The following ST3GAL2 variants were observed in gnomAD, a reference collection of about 807,000 sequenced individuals.
ST3GAL2 encodes CMP-N-acetylneuraminate-beta-galactosamide-alpha-2,3-sialyltransferase 2.
Under a neutral mutation model 37.5 loss-of-function variants are expected in ST3GAL2, and 16 were observed. The observed-to-expected ratio is 0.43, with a 90% confidence interval of 0.29 to 0.65. The LOEUF is 0.65. ST3GAL2 is among the 30% of genes least tolerant of loss of function. The probability of loss-of-function intolerance (pLI) is 0.17; values close to 1 mark genes in which losing one functional copy is unlikely to be tolerated. For missense variants in ST3GAL2, 383 were observed against 487.8 expected (o/e 0.79, Z 2.02); for synonymous variants, 238 against 202.9 (o/e 1.17, Z -1.47).
chr16:70,394,028 G>T (rs1369905715), intron 3 of ST3GAL2, among the ~76,000 whole-genome samples: 1 of 152,134 alleles, frequency 6.6e-6, no homozygotes, highest in African/African-American at 2.4e-5. Flanking sequence ...CCAAGTCAAG[G>T]GGGGATGTCA....
rs74026028 is a variant in ST3GAL2 at position 70,420,424 on chromosome 16, G to A, written c.-1004+18525C>T. ...CTCCGCCACCACAGCCAAGAGCCCT[G>A]GGTAGAGAAGAGGGCAGAACAGAGA... On this transcript the variant is annotated intron_variant, in intron 1 of 6. Coordinates refer to ENST00000342907, the MANE Select transcript of ST3GAL2 (RefSeq NM_006927.4). Among the ~76,000 whole-genome samples, 980 of 152,272 alleles carry A rather than the reference G, an allele frequency of 6.4e-3. 12 individuals carry two copies. The highest frequency in any genetic ancestry group is 0.022 in the African/African-American group (916 of 41,560).
At chr16:70,381,979 C>T (rs1184915884) in intron 6 of ST3GAL2, 117 bp from the exon 7 acceptor site, 7 of 1,369,238 alleles carry the variant, frequency 5.1e-6, no homozygotes, top group African/African-American at 1.4e-5. Context: ...TGCAGGAGCC[C>T]CCAGGCCTGG....
intron 4 of ST3GAL2, among the ~76,000 whole-genome samples, chr16:70,383,617 G>C (rs539820807): frequency 1.3e-5 from 2 of 151,216 alleles, no homozygotes; most frequent in African/African-American, 4.9e-5. Context: ...GGAAGGAAGG[G>C]AAAGGAGAAA....
chr16:70,385,310 C>A (rs531637976), intron 4 of ST3GAL2, among the ~76,000 whole-genome samples: 1 of 151,930 alleles, frequency 6.6e-6, no homozygotes, highest in Non-Finnish European at 1.5e-5. Context: ...AACAAACAAA[C>A]AAACAAACAA....
chr16:70,388,526 A>T lies in ST3GAL2; in HGVS notation c.554T>A (p.Val185Glu), dbSNP rs755432986. The T allele has an allele frequency of 6.2e-7, 1 of 1,602,118 alleles. No homozygotes were observed. Among genetic ancestry groups the T allele is most frequent in the Non-Finnish European group, 8.5e-7 (1 of 1,172,682 alleles). Residue 185 changes from valine to glutamate, a missense_variant, in exon 4 of 7, where the codon GTG becomes GAG. This residue lies in a region of ST3GAL2 where 160 missense variants were observed against 248.6 expected (regional missense o/e 0.64). Transcript: ENST00000342907. ...FIMRMNQAPT[V>E]GFEQDVGSRT... ...GCTGCCAACATCCTGCTCAAAGCCCACGGTTGGCGCCTGATTCATCCTGCA... is the reference window on the plus strand; with the variant it reads ...GCTGCCAACATCCTGCTCAAAGCCCTCGGTTGGCGCCTGATTCATCCTGCA...
intron 1 of ST3GAL2, among the ~76,000 whole-genome samples, chr16:70,429,660 A>C (rs1265516717): frequency 1.2e-5 from 1 of 81,534 alleles, no homozygotes; most frequent in East Asian, 4.1e-4. Flanking sequence ...TTTTTTTTTG[A>C]GACAGAGTTT....
intron 2 of ST3GAL2, among the ~76,000 whole-genome samples, chr16:70,395,995 G>C (rs1011019002): frequency 2.1e-5 from 3 of 145,958 alleles, no homozygotes; most frequent in Non-Finnish European, 3.0e-5. Context: ...TTTTGAGATA[G>C]AGTTTCACTC....
chr16:70,398,270 G>A lies in ST3GAL2; in HGVS notation c.261C>T (p.Ser87=), dbSNP rs779120691. 19 of 1,613,398 alleles carry A rather than the reference G, an allele frequency of 1.2e-5. No homozygotes were observed. Among genetic ancestry groups the A allele is most frequent in the Non-Finnish European group, 1.6e-5 (19 of 1,180,044 alleles). ...GDAGASDWFD[S]HFDGNISPVW... is the part of the protein sequence containing the mutation. ...CGGGGGAAATGTTACCGTCAAAGTG[G>A]CTGTCAAACCAGTCGGAGGCACCGG... Residue 87 remains serine, a synonymous_variant, in exon 2 of 7, where the codon AGC becomes AGT. Coordinates refer to ENST00000342907, the MANE Select transcript of ST3GAL2 (RefSeq NM_006927.4).
intron 1 of ST3GAL2, among the ~76,000 whole-genome samples, chr16:70,432,325 T>A (rs1041499498): frequency 1.6e-4 from 24 of 152,120 alleles, no homozygotes; most frequent in African/African-American, 5.3e-4. Context: ...GCTCTAAGAA[T>A]CTGCAGGGAT....
At chr16:70,426,711 T>C (rs998843799) in intron 1 of ST3GAL2, among the ~76,000 whole-genome samples, 1 of 149,254 alleles carries the variant, frequency 6.7e-6, no homozygotes, top group Non-Finnish European at 1.5e-5. Flanking sequence ...GGTTTCTCCA[T>C]GTTGGTCAGG....
At chr16:70,386,442 T>C (rs1021660208) in intron 4 of ST3GAL2, among the ~76,000 whole-genome samples, 2 of 152,038 alleles carry the variant, frequency 1.3e-5, no homozygotes, top group African/African-American at 4.8e-5. Context: ...TCCGCCCGCC[T>C]GGTCTCTCAA....
At chr16:70,393,992 G>C (rs1319399453) in intron 3 of ST3GAL2, among the ~76,000 whole-genome samples, 1 of 152,142 alleles carries the variant, frequency 6.6e-6, no homozygotes, top group African/African-American at 2.4e-5. Flanking sequence ...CCAAGGAGTC[G>C]GGTAGGAGGC....
At chr16:70,406,833 G>C (rs2047595835) in intron 1 of ST3GAL2, among the ~76,000 whole-genome samples, 1 of 152,064 alleles carries the variant, frequency 6.6e-6, no homozygotes, top group Middle Eastern at 3.2e-3. Flanking sequence ...ATGGGATTCA[G>C]CTGAGAGATG....
At chr16:70,425,090 T>C (rs2047741086) in intron 1 of ST3GAL2, among the ~76,000 whole-genome samples, 1 of 152,126 alleles carries the variant, frequency 6.6e-6, no homozygotes, top group African/African-American at 2.4e-5. Context: ...TGCACGCCTG[T>C]AGTCCCCACT....
At chr16:70,390,264 G>C (rs1025742820) in intron 3 of ST3GAL2, among the ~76,000 whole-genome samples, 8 of 152,148 alleles carry the variant, frequency 5.3e-5, no homozygotes, top group Admixed American at 1.3e-4. Context: ...TAGAGATAGG[G>C]GTCTCACTGC....
intron 1 of ST3GAL2, among the ~76,000 whole-genome samples, chr16:70,406,686 C>T (rs1316813238): frequency 6.6e-6 from 1 of 151,874 alleles, no homozygotes; most frequent in East Asian, 1.9e-4. Context: ...GAGGCTGAGG[C>T]AGGAGACTCG....
At chr16:70,410,240 C>CATTTTTTTTTTTTTTT (rs2047627628) in intron 1 of ST3GAL2, among the ~76,000 whole-genome samples, 1 of 62,664 alleles carries the variant, frequency 1.6e-5, no homozygotes, top group Non-Finnish European at 2.9e-5. Flanking sequence ...CCACCCTCAC[C>CATTTTTTTTTTTTTTT]TTTTTTTTTT....
chr16:70,408,354 G>A (rs961537288), intron 1 of ST3GAL2, among the ~76,000 whole-genome samples: 2 of 151,884 alleles, frequency 1.3e-5, no homozygotes, highest in African/African-American at 2.4e-5. Flanking sequence ...AACACTCCCT[G>A]CCTCCTGGGT....
chr16:70,417,945 C>G (rs2047687045), intron 1 of ST3GAL2, among the ~76,000 whole-genome samples: 1 of 152,246 alleles, frequency 6.6e-6, no homozygotes, highest in Admixed American at 6.5e-5. Flanking sequence ...GCTCTGATTT[C>G]TTTTAAAGAT....
Sources: allele counts gnomAD v4.1 joint callset (sites outside exome capture counted in the v4.1 genomes callset), GRCh38; gene constraint gnomAD v4.1.1; regional missense constraint gnomAD v4.1.1; transcripts MANE v1.5; gene names NCBI Gene and HGNC (gene_info 2026-07-23, HGNC 2026-07-21).